SHROOM3: variants seen among roughly 807,000 people sequenced by gnomAD.
SHROOM3 encodes protein Shroom3.
SHROOM3 carries 47 observed loss-of-function variants against 138.6 expected under a neutral mutation model. That is an observed-to-expected ratio of 0.34 (90% CI 0.27 to 0.43). The LOEUF (loss-of-function observed/expected upper bound fraction) is 0.43. Among genes scored for constraint, SHROOM3 ranks in the 20% least tolerant of loss-of-function variants. The probability of loss-of-function intolerance (pLI) is 1.00; values close to 1 mark genes in which losing one functional copy is unlikely to be tolerated. For synonymous variants in SHROOM3, 1,062 were observed against 1,063.3 expected (o/e 1.00, Z 0.02); for missense variants, 2,491 against 2,596.5 (o/e 0.96, Z 0.88).
intron 1 of SHROOM3, among the ~76,000 whole-genome samples, chr4:76,477,559 TTGTA>T (rs1279856062): frequency 1.1e-4 from 17 of 152,334 alleles, no homozygotes; most frequent in African/African-American, 2.9e-4. Flanking sequence ...TATATATTGT[TTGTA>T]TAGGTGGTAT....
chr4:76,500,812 CT>C lies in SHROOM3; in HGVS notation c.169-54790del, dbSNP rs1732076384. On this transcript the variant is annotated intron_variant, in intron 1 of 10. Coordinates refer to ENST00000296043, the MANE Select transcript of SHROOM3 (RefSeq NM_020859.4). ...TTTTCTCTTTCTTCTCCCTCTCTCT[CT>C]TTTTTTGTTTTTGAGACAAGTGTCT... Among the ~76,000 whole-genome samples, 3 of 151,752 alleles carry C rather than the reference CT, an allele frequency of 2.0e-5. No homozygotes were observed. In the South Asian group the frequency reaches 6.2e-4, roughly 32 times the overall value.
intron 2 of SHROOM3, among the ~76,000 whole-genome samples, chr4:76,666,281 A>C (rs970027844): frequency 1.3e-5 from 2 of 152,202 alleles, no homozygotes; most frequent in African/African-American, 2.4e-5. Flanking sequence ...GGACTTGTTC[A>C]TGTGATTACT....
Position 76,754,385 on chromosome 4 carries a change from G to C in SHROOM3, c.3902G>C (p.Gly1301Ala). The C allele has an allele frequency of 1.2e-6, 2 of 1,614,108 alleles. No individual in the cohort carries two copies. The highest frequency in any genetic ancestry group is 1.7e-6 in the Non-Finnish European group (2 of 1,180,002). ...CACCATCTCACCCCTCGTTGGGGTG[G>C]TTCAGGCTGCAAAGCCATTGGTGAT... is the stretch of plus-strand genomic sequence containing the variant. The part of the protein sequence containing the change: ...LFHHLTPRWG[G>A]SGCKAIGDSS... The change falls in exon 7 of 11, where the codon GGT becomes GCT. Residue 1301 changes from glycine (G) to alanine (A), a missense_variant. Gly to Ala is a moderately conservative substitution (Grantham distance 60, BLOSUM62 0). Around this residue, in one of 4 missense-constraint regions of SHROOM3, gnomAD observed 1,733 missense variants for 1,661.6 expected, o/e 1.04. Coordinates refer to ENST00000296043, the MANE Select transcript of SHROOM3 (RefSeq NM_020859.4).
rs1055464969 is a variant in SHROOM3 at position 76,435,709 on chromosome 4, G to A, written c.-344G>A. Reference sequence around the variant, plus strand: ...ATAGGCAGAAATGGTTTTAGTGTGTGTATGTGTGAAATAAAAGCTCAGAAA... The same window carrying A: ...ATAGGCAGAAATGGTTTTAGTGTGTATATGTGTGAAATAAAAGCTCAGAAA... On this transcript the variant is annotated 5_prime_UTR_variant, in exon 1 of 11. Coordinates refer to ENST00000296043, the MANE Select transcript of SHROOM3 (RefSeq NM_020859.4). The A allele has an allele frequency of 4.6e-6, 1 of 216,234 alleles. No homozygotes were observed. The highest frequency in any genetic ancestry group is 2.3e-5 in the African/African-American group (1 of 43,594). The allele number at this position is 216,234 out of a possible 1,614,324, so 13.4% of individuals were successfully genotyped here.
chr4:76,614,450 A>G (rs187411613), intron 2 of SHROOM3, among the ~76,000 whole-genome samples: 1 of 151,780 alleles, frequency 6.6e-6, no homozygotes, highest in Non-Finnish European at 1.5e-5. Context: ...CTGCTTCTCA[A>G]CTCTAATAGG....
chr4:76,624,130 A>G (rs1253142603), intron 2 of SHROOM3, among the ~76,000 whole-genome samples: 3 of 152,262 alleles, frequency 2.0e-5, no homozygotes, highest in South Asian at 2.1e-4. Context: ...TTTTTAACAC[A>G]TAATTAAAAT....
chr4:76,566,899 C>T (rs1032036351), intron 2 of SHROOM3, among the ~76,000 whole-genome samples: 3 of 152,238 alleles, frequency 2.0e-5, no homozygotes, highest in African/African-American at 7.2e-5. Context: ...CCTCATTAGT[C>T]GTTGGCAAAA....
intron 2 of SHROOM3, among the ~76,000 whole-genome samples, chr4:76,631,023 G>T (rs1227798877): frequency 2.0e-5 from 3 of 152,074 alleles, no homozygotes; most frequent in Admixed American, 6.5e-5. Flanking sequence ...TGAGGTATTT[G>T]TTTTCATAGA....
chr4:76,481,516 A>C (rs1023302294), intron 1 of SHROOM3, among the ~76,000 whole-genome samples: 8 of 151,826 alleles, frequency 5.3e-5, no homozygotes, highest in Admixed American at 5.3e-4. Context: ...GGCTATTAAA[A>C]AAAAAAAAGC....
At chr4:76,637,270 A>G (rs1222616112) in intron 2 of SHROOM3, among the ~76,000 whole-genome samples, 1 of 152,238 alleles carries the variant, frequency 6.6e-6, no homozygotes, top group Admixed American at 6.5e-5. Flanking sequence ...TCAAGAAAAG[A>G]TGGACCCACA....
At chr4:76,688,076 C>G (rs981097810) in intron 2 of SHROOM3, among the ~76,000 whole-genome samples, 21 of 152,212 alleles carry the variant, frequency 1.4e-4, no homozygotes, top group Admixed American at 9.8e-4. Flanking sequence ...CTCCCTCTCC[C>G]CCAAACAAGA....
In SHROOM3 at chr4:76,560,955, A is replaced by ATCAGTAG. The variant is rs1577885984; in HGVS notation, c.323+5192_323+5193insTCAGTAG. On this transcript the variant is annotated intron_variant, in intron 2 of 10. Coordinates refer to ENST00000296043, the MANE Select transcript of SHROOM3 (RefSeq NM_020859.4). ...GGTATGGTATTTAGTACAGTTATTA[A>ATCAGTAG]ATCATGAATCTACTGAAAACAAGTT... Among the ~76,000 whole-genome samples, 4 of 152,334 alleles carry ATCAGTAG rather than the reference A, an allele frequency of 2.6e-5. No homozygotes were observed. The South Asian group carries it at 8.3e-4, about 32-fold the overall frequency.
chr4:76,615,899 TCTC>T (rs1228169640), intron 2 of SHROOM3, among the ~76,000 whole-genome samples: 2 of 152,118 alleles, frequency 1.3e-5, no homozygotes, highest in Admixed American at 1.3e-4. Flanking sequence ...TCCACGCTAA[TCTC>T]CTAGGCTTCT....
At chr4:76,647,062 G>T (rs191259809) in intron 2 of SHROOM3, among the ~76,000 whole-genome samples, 12 of 152,226 alleles carry the variant, frequency 7.9e-5, no homozygotes, top group Admixed American at 7.8e-4. Flanking sequence ...ACACATAGTG[G>T]AATACTATTT....
At chr4:76,606,011 T>A (rs57078377) in intron 2 of SHROOM3, among the ~76,000 whole-genome samples, 14,830 of 86,090 alleles carry the variant, frequency 0.17, 509 homozygotes, top group East Asian at 0.28. Flanking sequence ...ATATATATTT[T>A]TTTTTTTTTT....
intron 2 of SHROOM3, among the ~76,000 whole-genome samples, chr4:76,677,916 C>T (rs941365202): frequency 3.9e-5 from 6 of 152,000 alleles, no homozygotes; most frequent in African/African-American, 1.5e-4. Context: ...TTTCCTCTTG[C>T]GTGAATCTGC....
At chr4:76,742,053 G>C (rs766793963) in intron 5 of SHROOM3, 127 bp downstream of exon 5, 2 of 1,279,908 alleles carry the variant, frequency 1.6e-6, no homozygotes, top group Non-Finnish European at 2.2e-6. Flanking sequence ...TTACAGAAAA[G>C]TAGCATTTGT....
At chr4:76,544,407 CT>C (rs58799466) in intron 1 of SHROOM3, among the ~76,000 whole-genome samples, 94 of 75,864 alleles carry the variant, frequency 1.2e-3, no homozygotes, top group East Asian at 4.0e-3. Context: ...AGCTCAATGG[CT>C]TTTTTTTTTT....
intron 2 of SHROOM3, chr4:76,689,496 G>A: frequency 4.1e-6 from 4 of 980,086 alleles, no homozygotes; most frequent in Non-Finnish European, 4.8e-6. Flanking sequence ...TCCTCCAGCC[G>A]CGCTGCCCCG....
Sources: allele counts gnomAD v4.1 joint callset (sites outside exome capture counted in the v4.1 genomes callset), GRCh38; gene constraint gnomAD v4.1.1; regional missense constraint gnomAD v4.1.1; transcripts MANE v1.5; gene names NCBI Gene and HGNC (gene_info 2026-07-23, HGNC 2026-07-21).